AGBL1: variants seen among roughly 807,000 people sequenced by gnomAD.
AGBL1 encodes the protein cytosolic carboxypeptidase 4.
A neutral mutation model predicts 118.9 loss-of-function variants in AGBL1; 130 were observed. The ratio of observed to expected loss-of-function variants is 1.09; its 90% confidence interval spans 0.95 to 1.26. The LOEUF (loss-of-function observed/expected upper bound fraction) is 1.26. AGBL1 is among the 50% of genes most tolerant of loss of function. AGBL1 has a pLI of 0.00. For synonymous variants in AGBL1, 555 were observed against 478.9 expected (o/e 1.16, Z -2.08); for missense variants, 1,584 against 1,298.1 (o/e 1.22, Z -3.38).
At chr15:86,245,713 AG>A (rs1462847980) in intron 6 of AGBL1, among the ~76,000 whole-genome samples, 1 of 152,198 alleles carries the variant, frequency 6.6e-6, no homozygotes, top group East Asian at 1.9e-4. Context: ...GGAGTTGAAA[AG>A]GTCCCTATTA....
At chr15:86,287,224 T>C (rs1218277634) in intron 16 of AGBL1, among the ~76,000 whole-genome samples, 1 of 152,202 alleles carries the variant, frequency 6.6e-6, no homozygotes, top group Non-Finnish European at 1.5e-5. Flanking sequence ...TACTGTGTAG[T>C]TGGTGTTCCT....
At chr15:86,728,584 C>T (rs2086853819) in intron 22 of AGBL1, among the ~76,000 whole-genome samples, 1 of 152,114 alleles carries the variant, frequency 6.6e-6, no homozygotes, top group African/African-American at 2.4e-5. Flanking sequence ...AATAAAAAAA[C>T]CTTGCCTTTA....
chr15:86,636,204 C>T (rs2085079102), intron 21 of AGBL1, among the ~76,000 whole-genome samples: 1 of 152,128 alleles, frequency 6.6e-6, no homozygotes, highest in Non-Finnish European at 1.5e-5. Context: ...CTAAAATACC[C>T]ACTTCTACAA....
intron 23 of AGBL1, among the ~76,000 whole-genome samples, chr15:86,935,517 G>C (rs764896016): frequency 3.3e-5 from 5 of 152,032 alleles, no homozygotes; most frequent in Non-Finnish European, 7.4e-5. Context: ...GGGCAAGCTG[G>C]GGCACACAGC....
intron 5 of AGBL1, among the ~76,000 whole-genome samples, chr15:86,163,439 A>G (rs2077294701): frequency 6.6e-6 from 1 of 152,136 alleles, no homozygotes; most frequent in Middle Eastern, 3.4e-3. Flanking sequence ...AAAAATAAAT[A>G]AATGAGGGCT....
At chr15:86,960,802 A>C (rs1282945057) in intron 23 of AGBL1, among the ~76,000 whole-genome samples, 6 of 152,104 alleles carry the variant, frequency 3.9e-5, no homozygotes, top group Admixed American at 3.9e-4. Context: ...GATGAACCTG[A>C]ATGACATTAT....
Position 86,360,948 on chromosome 15 carries a change from G to A in AGBL1, c.2375-36418G>A, listed in dbSNP as rs2080796756. ...ATAAACTTTCAGTTTTGTTAATTTT[G>A]TAATTGTTTTTCTATTTTCTATTTG... On this transcript the variant is annotated intron_variant, in intron 17 of 22. Coordinates refer to ENST00000614907, the MANE Select transcript of AGBL1 (RefSeq NM_001386094.1). Among the ~76,000 whole-genome samples, 2 of 151,656 alleles carry A rather than the reference G, an allele frequency of 1.3e-5. 1 individual carries two copies. The highest frequency in any genetic ancestry group is 6.9e-3 in the Middle Eastern group (2 of 288).
chr15:86,833,671 T>C (rs1297947350), intron 22 of AGBL1, among the ~76,000 whole-genome samples: 2 of 152,148 alleles, frequency 1.3e-5, no homozygotes, highest in Non-Finnish European at 2.9e-5. Flanking sequence ...AAAAGAATGC[T>C]GGAATAGCCT....
intron 22 of AGBL1, among the ~76,000 whole-genome samples, chr15:86,845,306 C>G (rs900931385): frequency 2.5e-4 from 38 of 151,988 alleles, no homozygotes; most frequent in African/African-American, 9.2e-4. Flanking sequence ...TTTGTTAAAT[C>G]CTTTTTATAG....
chr15:86,331,225 A>C (rs941118396), intron 17 of AGBL1, among the ~76,000 whole-genome samples: 1 of 38,718 alleles, frequency 2.6e-5, no homozygotes, highest in Non-Finnish European at 8.1e-5. Context: ...CTCCATCTCA[A>C]AAAAAAAAAA....
chr15:86,116,899 G>A (rs564898560), intron 1 of AGBL1, among the ~76,000 whole-genome samples: 27 of 151,402 alleles, frequency 1.8e-4, no homozygotes, highest in Non-Finnish European at 2.8e-4. Flanking sequence ...AATACAGTTG[G>A]TAACCAAGCA....
chr15:86,504,289 C>G (rs906855986), intron 18 of AGBL1, among the ~76,000 whole-genome samples: 7 of 151,180 alleles, frequency 4.6e-5, no homozygotes, highest in Non-Finnish European at 1.5e-5. Flanking sequence ...TTCTTTTAAC[C>G]CATTGTGTCT....
chr15:86,876,410 T>A (rs760415610), intron 22 of AGBL1, among the ~76,000 whole-genome samples: 29 of 151,770 alleles, frequency 1.9e-4, no homozygotes, highest in South Asian at 8.4e-4. Context: ...GGACTGGAGG[T>A]GATACTGCTG....
intron 23 of AGBL1, among the ~76,000 whole-genome samples, chr15:86,923,434 T>A (rs927389842): frequency 6.6e-6 from 1 of 152,208 alleles, no homozygotes; most frequent in Non-Finnish European, 1.5e-5. Flanking sequence ...TATCACCTCC[T>A]CACCTTTTCC....
At chr15:86,607,085 G>A (rs2469170) in intron 21 of AGBL1, among the ~76,000 whole-genome samples, 75,034 of 151,984 alleles carry the variant, frequency 0.49, 18,684 homozygotes, top group East Asian at 0.73. Context: ...TTTCAGATTG[G>A]CTTCTTTCAC....
chr15:86,196,879 G>GCACACA (rs59632011), intron 5 of AGBL1, among the ~76,000 whole-genome samples: 2,521 of 116,864 alleles, frequency 0.022, 44 homozygotes, highest in African/African-American at 0.028. Flanking sequence ...GCGCGCGCGC[G>GCACACA]CACACACACA....
At chr15:86,150,973 C>T (rs1302002132) in intron 3 of AGBL1, among the ~76,000 whole-genome samples, 1 of 152,080 alleles carries the variant, frequency 6.6e-6, no homozygotes, top group East Asian at 1.9e-4. Context: ...ACTATGCAGC[C>T]ATAAAAATGA....
chr15:86,875,263 T>C (rs1171430244), intron 22 of AGBL1, among the ~76,000 whole-genome samples: 1 of 152,128 alleles, frequency 6.6e-6, no homozygotes, highest in Non-Finnish European at 1.5e-5. Flanking sequence ...ACTGTCACCA[T>C]AAATAAGATC....
chr15:86,228,866 A>T (rs2078409510), intron 6 of AGBL1, among the ~76,000 whole-genome samples: 4 of 152,176 alleles, frequency 2.6e-5, no homozygotes, highest in Admixed American at 2.6e-4. Context: ...TTCTCCAGTT[A>T]TCTCAGCAAT....
Sources: gnomAD v4.1 joint callset for allele counts (sites outside exome capture counted in the v4.1 genomes callset) on GRCh38, gnomAD v4.1.1 for gene constraint, MANE v1.5 for transcripts, NCBI Gene and HGNC (gene_info 2026-07-23, HGNC 2026-07-21) for gene names.